ATG5: variants seen among roughly 807,000 people sequenced by gnomAD.
ATG5 encodes autophagy protein 5.
Under a neutral mutation model 36.5 loss-of-function variants are expected in ATG5, and 14 were observed. That is an observed-to-expected ratio of 0.38 (90% CI 0.25 to 0.60). The LOEUF (loss-of-function observed/expected upper bound fraction) is 0.60. Among genes scored for constraint, ATG5 ranks in the 20% least tolerant of loss-of-function variants. The pLI is 0.60. For synonymous variants in ATG5, 95 were observed against 101.5 expected, an observed-to-expected ratio of 0.94 and a Z score of 0.38; for missense variants, 195 against 326.7, an observed-to-expected ratio of 0.60 and a Z score of 3.11.
chr6:106,201,351 T>C (rs1199453695), intron 7 of ATG5, among the ~76,000 whole-genome samples: 1 of 152,076 alleles, frequency 6.6e-6, no homozygotes, highest in Admixed American at 6.6e-5. Context: ...GGCAGTTTTA[T>C]TGTTTTCTGC....
chr6:106,297,717 A>AACACACACACACAC (rs56336702), intron 3 of ATG5, among the ~76,000 whole-genome samples: 24 of 135,518 alleles, frequency 1.8e-4, no homozygotes, highest in Middle Eastern at 3.9e-3. Context: ...AAATGACTTA[A>AACACACACACACAC]ACACACACAC....
intron 2 of ATG5, among the ~76,000 whole-genome samples, chr6:106,314,033 G>C (rs548091101): frequency 6.6e-6 from 1 of 152,272 alleles, no homozygotes; most frequent in African/African-American, 2.4e-5. Flanking sequence ...GAATTAGGAA[G>C]AATTCAAGAA....
chr6:106,293,915 G>A (rs1780425384), intron 3 of ATG5, among the ~76,000 whole-genome samples: 2 of 151,310 alleles, frequency 1.3e-5, no homozygotes, highest in Admixed American at 6.6e-5. Context: ...AATACAGGTT[G>A]AGTATCCCAT....
chr6:106,191,485 T>C (rs1283431899), intron 7 of ATG5, among the ~76,000 whole-genome samples: 1 of 152,298 alleles, frequency 6.6e-6, no homozygotes, highest in South Asian at 2.1e-4. Flanking sequence ...AGCAAAATAT[T>C]TCTTTCAGAG....
At chr6:106,285,792 C>T (rs868098363) in intron 4 of ATG5, among the ~76,000 whole-genome samples, 3 of 152,146 alleles carry the variant, frequency 2.0e-5, no homozygotes, top group African/African-American at 7.2e-5. Context: ...GCAATTTTCA[C>T]GTCACAAAAT....
chr6:106,196,933 T>C (rs1776217795), intron 7 of ATG5, among the ~76,000 whole-genome samples: 1 of 152,134 alleles, frequency 6.6e-6, no homozygotes, highest in Non-Finnish European at 1.5e-5. Flanking sequence ...GTAAGCCCTC[T>C]TTCCTGGATT....
intron 4 of ATG5, among the ~76,000 whole-genome samples, chr6:106,292,019 G>A (rs553299975): frequency 6.6e-6 from 1 of 152,162 alleles, no homozygotes; most frequent in Non-Finnish European, 1.5e-5. Context: ...ACTATGAATG[G>A]ACACCCCGAT....
intron 3 of ATG5, among the ~76,000 whole-genome samples, chr6:106,305,941 T>C (rs1455523743): frequency 2.6e-5 from 4 of 152,224 alleles, no homozygotes; most frequent in African/African-American, 7.2e-5. Flanking sequence ...TGGAAGTTAT[T>C]CACGCCTCAT....
chr6:106,258,109 C>A (rs571058949), intron 5 of ATG5, among the ~76,000 whole-genome samples: 3 of 152,036 alleles, frequency 2.0e-5, no homozygotes, highest in Non-Finnish European at 4.4e-5. Context: ...ACTTGTAATG[C>A]TTGATGGCTC....
intron 3 of ATG5, among the ~76,000 whole-genome samples, chr6:106,300,194 C>T (rs1485837170): frequency 6.6e-6 from 1 of 152,088 alleles, no homozygotes; most frequent in East Asian, 1.9e-4. Flanking sequence ...TATTGGAACG[C>T]TAAGCTTGTG....
intron 2 of ATG5, 107 bp from the exon 3 acceptor site, chr6:106,308,598 A>C (rs1451632106): frequency 1.3e-5 from 11 of 829,488 alleles, no homozygotes; most frequent in African/African-American, 1.8e-5. Context: ...TCTTTGCATT[A>C]TTTTGAATAT....
intron 5 of ATG5, among the ~76,000 whole-genome samples, chr6:106,264,685 T>C (rs1050861081): frequency 6.6e-6 from 1 of 152,166 alleles, no homozygotes; most frequent in African/African-American, 2.4e-5. Flanking sequence ...GGAGCCAATA[T>C]ATTCAACATT....
intron 3 of ATG5, among the ~76,000 whole-genome samples, chr6:106,302,613 A>G (rs1234172894): frequency 6.6e-6 from 1 of 152,128 alleles, no homozygotes; most frequent in African/African-American, 2.4e-5. Flanking sequence ...CAGAATCACA[A>G]TCTAGAGGCT....
At chr6:106,234,852 C>T (rs1777830834) in intron 6 of ATG5, among the ~76,000 whole-genome samples, 1 of 152,128 alleles carries the variant, frequency 6.6e-6, no homozygotes. Context: ...AATGGGTTGC[C>T]GACTCCCTGG....
At chr6:106,199,651 A>T (rs1776342910) in intron 7 of ATG5, among the ~76,000 whole-genome samples, 1 of 152,258 alleles carries the variant, frequency 6.6e-6, no homozygotes, top group African/African-American at 2.4e-5. Context: ...TTTACTAAAA[A>T]ATCATTAAAT....
chr6:106,202,112 A>T (rs2114357422), intron 6 of ATG5, 23 bp from the exon 7 acceptor site: 2 of 1,581,290 alleles, frequency 1.3e-6, no homozygotes, highest in South Asian at 1.1e-5. Context: ...GGAAAAAATG[A>T]TTCAAGCAAT....
intron 4 of ATG5, among the ~76,000 whole-genome samples, chr6:106,290,507 G>T (rs1406934800): frequency 6.6e-6 from 1 of 151,860 alleles, no homozygotes. Flanking sequence ...TTTTTGTAGA[G>T]ATGGGGTCTA....
chr6:106,313,896 A>G (rs1201346335), intron 2 of ATG5, among the ~76,000 whole-genome samples: 1 of 152,222 alleles, frequency 6.6e-6, no homozygotes, highest in Non-Finnish European at 1.5e-5. Context: ...ATATTTAAAT[A>G]GCAAAATTTG....
intron 2 of ATG5, 25 bp from the exon 3 acceptor site, chr6:106,308,516 T>A (rs769262921): frequency 6.7e-7 from 1 of 1,494,804 alleles, no homozygotes; most frequent in East Asian, 2.5e-5. Flanking sequence ...TGTAAAACCG[T>A]ATTTATTTAC....
Sources: gnomAD v4.1 joint callset for allele counts (sites outside exome capture counted in the v4.1 genomes callset) on GRCh38, gnomAD v4.1.1 for gene constraint, MANE v1.5 for transcripts, NCBI Gene and HGNC (gene_info 2026-07-23, HGNC 2026-07-21) for gene names.